The following ZMYND8 variants were observed in gnomAD, a reference collection of about 807,000 sequenced individuals.
ZMYND8 encodes the protein zinc finger MYND-type containing 8.
In ZMYND8, 37 loss-of-function variants were observed where a neutral mutation model predicts 140.8. That is an observed-to-expected ratio of 0.26 (90% CI 0.20 to 0.35). The LOEUF (loss-of-function observed/expected upper bound fraction) is 0.35, where lower values mean the gene tolerates loss of function less well. Among genes scored for constraint, ZMYND8 ranks in the 10% least tolerant of loss-of-function variants. The probability of loss-of-function intolerance (pLI) is 1.00; values close to 1 mark genes in which losing one functional copy is unlikely to be tolerated. For synonymous variants in ZMYND8, 592 were observed against 597.1 expected (o/e 0.99, Z 0.12); for missense variants, 1,068 against 1,570.0 (o/e 0.68, Z 5.40).
At chr20:47,352,520 T>G (rs2082873129) in intron 1 of ZMYND8, 1 of 985,340 alleles carries the variant, frequency 1.0e-6, no homozygotes, top group Non-Finnish European at 1.2e-6. Flanking sequence ...AGCCTGAGAA[T>G]TAACAATGGG....
chr20:47,238,617 G>C, intron 15 of ZMYND8, 141 bp downstream of exon 15: 1 of 1,398,088 alleles, frequency 7.2e-7, no homozygotes. Context: ...ATGCCAAATG[G>C]AATGTGCAAG....
rs2147796318 is a variant in ZMYND8 at position 47,276,484 on chromosome 20, C to A, written c.1310G>T (p.Ser437Ile). Residue 437 changes from serine to isoleucine, a missense_variant, in exon 11 of 23, where the codon AGT (serine) becomes ATT (isoleucine). By Grantham distance (142) the Ser-to-Ile change is moderately radical. This residue lies in a region of ZMYND8 where 173 missense variants were observed against 223.3 expected (regional missense o/e 0.77). Coordinates refer to ENST00000471951, the MANE Select transcript of ZMYND8 (RefSeq NM_001281775.3). ...GGAAATCCGGCGGCCTGTGCCCCCA[C>A]TCAGCACAGGCTTGCTCATCAGGAT... The part of the protein sequence containing the change: ...PKILMSKPVL[S>I]GGTGRRISLS... 6.2e-7 allele frequency: 1 copy of A among 1,614,110 alleles called. No individual in the cohort carries two copies. Among genetic ancestry groups the A allele is most frequent in the South Asian group, 1.1e-5 (1 of 91,074 alleles).
chr20:47,338,203 C>T (rs1048158667), intron 2 of ZMYND8, among the ~76,000 whole-genome samples: 5 of 152,104 alleles, frequency 3.3e-5, no homozygotes, highest in Non-Finnish European at 7.3e-5. Flanking sequence ...TGGCCAGAGA[C>T]GTGCACATGG....
At chr20:47,322,588 G>A (rs548556557) in intron 2 of ZMYND8, among the ~76,000 whole-genome samples, 5 of 151,508 alleles carry the variant, frequency 3.3e-5, no homozygotes, top group Non-Finnish European at 5.9e-5. Context: ...CTACAGGCAC[G>A]TACCACCACA....
intron 11 of ZMYND8, among the ~76,000 whole-genome samples, chr20:47,271,258 G>A (rs139197705): frequency 1.9e-3 from 287 of 152,204 alleles, no homozygotes; most frequent in Middle Eastern, 3.4e-3. Flanking sequence ...GGTAACATGG[G>A]TGTGTAAAAC....
intron 2 of ZMYND8, among the ~76,000 whole-genome samples, chr20:47,325,479 C>T (rs574262686): frequency 6.6e-6 from 1 of 152,296 alleles, no homozygotes; most frequent in East Asian, 1.9e-4. Flanking sequence ...AGAATTTCTT[C>T]CAGCAAATCA....
chr20:47,325,674 G>A (rs374787016), intron 2 of ZMYND8, among the ~76,000 whole-genome samples: 10 of 152,336 alleles, frequency 6.6e-5, no homozygotes, highest in South Asian at 2.1e-4. Flanking sequence ...TAACTTGAAT[G>A]GGATGGGGCC....
chr20:47,319,165 T>C (rs1369561172), intron 2 of ZMYND8: 1 of 579,972 alleles, frequency 1.7e-6, no homozygotes. Context: ...GCAAGGACAC[T>C]GTCACCTCTT....
At chr20:47,307,949 C>G (rs1465032193) in intron 3 of ZMYND8, among the ~76,000 whole-genome samples, 1 of 151,712 alleles carries the variant, frequency 6.6e-6, no homozygotes, top group East Asian at 2.0e-4. Flanking sequence ...GAAATCCCAT[C>G]TCTACTAAAA....
At chr20:47,351,130 C>T (rs1259257792) in intron 1 of ZMYND8, among the ~76,000 whole-genome samples, 1 of 152,196 alleles carries the variant, frequency 6.6e-6, no homozygotes, top group East Asian at 1.9e-4. Context: ...AAAACCTATG[C>T]TTACTTCTTA....
chr20:47,315,921 G>A (rs1344407257), intron 2 of ZMYND8, among the ~76,000 whole-genome samples: 1 of 152,184 alleles, frequency 6.6e-6, no homozygotes, highest in Admixed American at 6.6e-5. Context: ...TTATGGAGAG[G>A]ACAGAGCAGT....
Position 47,283,643 on chromosome 20 carries a change from A to G in ZMYND8, c.810T>C (p.Asn270=). The stretch of plus-strand genomic sequence containing the variant: ...AACATTCTGGACATACTTCGATTTC[A>G]TTCATCTGTAAAGCAAAAATACATT... ...VVIKICEHEM[N]EIEVCPECYL... Residue 270 remains asparagine, a synonymous_variant, in exon 9 of 23, where the codon AAT becomes AAC. Coordinates refer to ENST00000471951, the MANE Select transcript of ZMYND8 (RefSeq NM_001281775.3). The G allele has an allele frequency of 6.2e-7, 1 of 1,613,974 alleles. No homozygotes were observed. Among genetic ancestry groups the G allele is most frequent in the Non-Finnish European group, 8.5e-7 (1 of 1,179,956 alleles).
intron 22 of ZMYND8, among the ~76,000 whole-genome samples, chr20:47,212,144 C>T (rs1031152767): frequency 6.6e-6 from 1 of 152,176 alleles, no homozygotes; most frequent in Admixed American, 6.5e-5. Context: ...TCATCCCCAT[C>T]TGGGAGAAAA....
intron 10 of ZMYND8, among the ~76,000 whole-genome samples, chr20:47,278,559 G>T (rs2076397408): frequency 6.6e-6 from 1 of 151,804 alleles, no homozygotes; most frequent in Non-Finnish European, 1.5e-5. Context: ...CAACCCAGGA[G>T]AAATAAAGCA....
chr20:47,319,064 A>AG (rs1299488780), intron 2 of ZMYND8: 2 of 1,340,328 alleles, frequency 1.5e-6, no homozygotes, highest in South Asian at 2.3e-5. Context: ...GGCCTCTCCC[A>AG]GGGGGAGGAG....
intron 12 of ZMYND8, among the ~76,000 whole-genome samples, chr20:47,257,168 G>A (rs2074797923): frequency 6.6e-6 from 1 of 152,130 alleles, no homozygotes; most frequent in Non-Finnish European, 1.5e-5. Flanking sequence ...AAAGGCCCCA[G>A]ACAGCAAATG....
At chr20:47,235,681 T>C (rs1228290760) in intron 16 of ZMYND8, among the ~76,000 whole-genome samples, 3 of 146,556 alleles carry the variant, frequency 2.0e-5, no homozygotes, top group African/African-American at 7.7e-5. Flanking sequence ...CACTCCAGCC[T>C]GGGGAACAGA....
chr20:47,290,205 A>G lies in ZMYND8; in HGVS notation c.730T>C (p.Cys244Arg), dbSNP rs2147957176. ...LADAKWILHN[C>R]IIYNGGNHKL... ...CACTCACCCCCATTATAAATGATGC[A>G]GTTGTGCAAAATCCACTTTGCATCA... Residue 244 changes from cysteine (C) to arginine (R), a missense_variant, in exon 7 of 23, where the codon TGC becomes CGC. By Grantham distance (180) the Cys-to-Arg change is radical (BLOSUM62 -3). Around this residue, in one of 10 missense-constraint regions of ZMYND8, gnomAD observed 109 missense variants for 314.9 expected, o/e 0.35. Transcript: ENST00000471951. 1 of 1,613,714 alleles carries G rather than the reference A, an allele frequency of 6.2e-7. No homozygotes were observed. Among genetic ancestry groups the G allele is most frequent in the Non-Finnish European group, 8.5e-7 (1 of 1,179,862 alleles).
At chr20:47,278,768 C>A (rs570629869) in intron 10 of ZMYND8, among the ~76,000 whole-genome samples, 1 of 152,150 alleles carries the variant, frequency 6.6e-6, no homozygotes, top group Non-Finnish European at 1.5e-5. Context: ...CCAAGAGGGG[C>A]AGAGCAGAAC....
Sources: gnomAD v4.1 joint callset for allele counts (sites outside exome capture counted in the v4.1 genomes callset) on GRCh38, gnomAD v4.1.1 for gene constraint, gnomAD v4.1.1 regional missense constraint, MANE v1.5 for transcripts, NCBI Gene and HGNC (gene_info 2026-07-23, HGNC 2026-07-21) for gene names.